SLC25A48: variants seen among roughly 807,000 people sequenced by gnomAD.
The protein encoded by SLC25A48 is solute carrier family 25 member 48.
A neutral mutation model predicts 32.2 loss-of-function variants in SLC25A48; 29 were observed. The ratio of observed to expected loss-of-function variants is 0.90; its 90% CI spans 0.67 to 1.23. SLC25A48 has a LOEUF of 1.23. Among genes scored for constraint, SLC25A48 ranks in the 50% most tolerant of loss-of-function variants. The pLI is 0.00. For missense variants in SLC25A48, 399 were observed against 422.7 expected, an observed-to-expected ratio of 0.94 and a Z score of 0.49; for synonymous variants, 164 against 172.3, an observed-to-expected ratio of 0.95 and a Z score of 0.38.
intron 3 of SLC25A48, among the ~76,000 whole-genome samples, chr5:135,736,724 A>G (rs940389226): frequency 1.3e-5 from 2 of 152,210 alleles, no homozygotes; most frequent in East Asian, 3.9e-4. Flanking sequence ...GCATCCCTGC[A>G]TGATTAAACA....
intron 7 of SLC25A48, chr5:135,883,190 C>A: frequency 1.0e-6 from 1 of 985,506 alleles, no homozygotes; most frequent in Non-Finnish European, 1.2e-6. Flanking sequence ...CCTCTTCCTT[C>A]CTTCACAATT....
intron 1 of SLC25A48, among the ~76,000 whole-genome samples, chr5:135,600,013 C>A (rs112767315): frequency 2.2e-4 from 34 of 152,308 alleles, no homozygotes; most frequent in African/African-American, 6.7e-4. Context: ...ATACTCCCCC[C>A]TCCCTTGGCC....
intron 3 of SLC25A48, among the ~76,000 whole-genome samples, chr5:135,687,571 A>G (rs1754045053): frequency 6.6e-6 from 1 of 151,942 alleles, no homozygotes; most frequent in Non-Finnish European, 1.5e-5. Context: ...TCTTTTTTTT[A>G]ATGTTGCTGT....
At chr5:135,673,033 A>G (rs1017012815) in intron 3 of SLC25A48, among the ~76,000 whole-genome samples, 6 of 152,314 alleles carry the variant, frequency 3.9e-5, no homozygotes, top group Non-Finnish European at 5.9e-5. Flanking sequence ...TTTGATATTA[A>G]TATTCCTCCA....
chr5:135,860,798 G>A (rs1007716338), intron 4 of SLC25A48, among the ~76,000 whole-genome samples: 1 of 152,152 alleles, frequency 6.6e-6, no homozygotes, highest in Non-Finnish European at 1.5e-5. Context: ...TCTGCCTCAG[G>A]ATTGCCAGTC....
At chr5:135,837,558 C>T (rs1758639435) in intron 1 of SLC25A48, among the ~76,000 whole-genome samples, 1 of 152,156 alleles carries the variant, frequency 6.6e-6, no homozygotes, top group African/African-American at 2.4e-5. Flanking sequence ...ATTGTAGCTC[C>T]CATAATTCCA....
At chr5:135,811,724 A>G (rs1204865435) in intron 3 of SLC25A48, among the ~76,000 whole-genome samples, 1 of 152,248 alleles carries the variant, frequency 6.6e-6, no homozygotes, top group Non-Finnish European at 1.5e-5. Flanking sequence ...TGCAGGAAAA[A>G]TGCAATAAAA....
intron 4 of SLC25A48, among the ~76,000 whole-genome samples, chr5:135,860,630 G>C (rs1760699671): frequency 2.0e-5 from 3 of 152,228 alleles, no homozygotes; most frequent in African/African-American, 4.8e-5. Flanking sequence ...ACACCATAGA[G>C]CCCAAGGCTG....
At chr5:135,604,157 C>A (rs1431916974) in intron 1 of SLC25A48, among the ~76,000 whole-genome samples, 1 of 152,206 alleles carries the variant, frequency 6.6e-6, no homozygotes, top group African/African-American at 2.4e-5. Context: ...CTTTAAGAAA[C>A]CTCAGAGTCA....
intron 4 of SLC25A48, 40 bp from the exon 5 acceptor site, chr5:135,871,421 C>A: frequency 6.4e-7 from 1 of 1,557,102 alleles, no homozygotes; most frequent in Non-Finnish European, 8.7e-7. Flanking sequence ...GTCTCTTACA[C>A]CCTGGGTCAC....
intron 3 of SLC25A48, among the ~76,000 whole-genome samples, chr5:135,660,237 AACATCTTGCAAAAC>A (rs1753363143): frequency 1.3e-5 from 2 of 152,190 alleles, no homozygotes; most frequent in Non-Finnish European, 2.9e-5. Context: ...CCCCCATGAT[AACATCTTGCAAAAC>A]CATAGTGAAA....
chr5:135,835,678 TAAAAAAAAAAAA>T (rs35114794), intron 1 of SLC25A48, among the ~76,000 whole-genome samples: 6 of 70,388 alleles, frequency 8.5e-5, no homozygotes, highest in African/African-American at 2.3e-4. Flanking sequence ...TTGCTAATTG[TAAAAAAAAAAAA>T]AAAAAAAAAA....
chr5:135,693,477 T>A (rs1754192572), intron 3 of SLC25A48, among the ~76,000 whole-genome samples: 1 of 152,224 alleles, frequency 6.6e-6, no homozygotes, highest in Non-Finnish European at 1.5e-5. Context: ...AAGAGGAAGA[T>A]GCGGTGGTAT....
At chr5:135,702,186 C>T (rs903870958) in intron 3 of SLC25A48, among the ~76,000 whole-genome samples, 1 of 152,230 alleles carries the variant, frequency 6.6e-6, no homozygotes. Context: ...ATAATATCCT[C>T]CCAAAAGATA....
intron 7 of SLC25A48, among the ~76,000 whole-genome samples, chr5:135,881,440 C>T (rs1482302673): frequency 6.6e-6 from 1 of 152,262 alleles, no homozygotes; most frequent in African/African-American, 2.4e-5. Flanking sequence ...GCCCCAGAAG[C>T]TGGCTTCAAA....
chr5:135,866,601 A>C (rs941358488), intron 4 of SLC25A48, among the ~76,000 whole-genome samples: 1 of 152,080 alleles, frequency 6.6e-6, no homozygotes, highest in Non-Finnish European at 1.5e-5. Context: ...CAACCACCAC[A>C]CCCCAAAATA....
intron 3 of SLC25A48, among the ~76,000 whole-genome samples, chr5:135,755,340 T>C (rs1488568132): frequency 6.6e-6 from 1 of 152,094 alleles, no homozygotes; most frequent in African/African-American, 2.4e-5. Context: ...CAATGCACTA[T>C]GGTATTAATG....
intron 3 of SLC25A48, among the ~76,000 whole-genome samples, chr5:135,654,765 C>T (rs999359510): frequency 3.3e-5 from 5 of 152,130 alleles, no homozygotes; most frequent in African/African-American, 1.2e-4. Context: ...AGTCAGAGGC[C>T]GTAAGAGCAG....
intron 2 of SLC25A48, among the ~76,000 whole-genome samples, chr5:135,631,899 C>G (rs1328630895): frequency 6.6e-6 from 1 of 152,168 alleles, no homozygotes; most frequent in African/African-American, 2.4e-5. Context: ...TGCTCTTTAT[C>G]TATAACACTG....
Sources: allele counts gnomAD v4.1 joint callset (sites outside exome capture counted in the v4.1 genomes callset), GRCh38; gene constraint gnomAD v4.1.1; transcripts MANE v1.5; gene names NCBI Gene and HGNC (gene_info 2026-07-23, HGNC 2026-07-21).